The following LPGAT1 variants were observed in gnomAD, a reference collection of about 807,000 sequenced individuals.
The protein encoded by LPGAT1 is lysophosphatidylglycerol acyltransferase 1.
LPGAT1 carries 11 observed loss-of-function variants against 47.5 expected under a neutral mutation model. The observed-to-expected ratio is 0.23, with a 90% CI of 0.15 to 0.38. The LOEUF (loss-of-function observed/expected upper bound fraction) is 0.38. LPGAT1 is among the 10% of genes least tolerant of loss of function. LPGAT1 has a pLI of 1.00. For missense variants in LPGAT1, 293 were observed against 439.0 expected, an observed-to-expected ratio of 0.67 and a Z score of 2.97; for synonymous variants, 138 against 144.2, an observed-to-expected ratio of 0.96 and a Z score of 0.31.
intron 6 of LPGAT1, among the ~76,000 whole-genome samples, chr1:211,776,549 A>G (rs1453296448): frequency 1.3e-5 from 2 of 152,174 alleles, no homozygotes; most frequent in Non-Finnish European, 2.9e-5. Flanking sequence ...TAGCAATAGT[A>G]CTGACTTGCC....
chr1:211,805,199 C>CA (rs925403068), intron 2 of LPGAT1, among the ~76,000 whole-genome samples: 13 of 150,998 alleles, frequency 8.6e-5, no homozygotes, highest in African/African-American at 2.9e-4. Context: ...TTTTTAACCA[C>CA]AAAAAAACAC....
chr1:211,766,256 C>T (rs934892564), intron 6 of LPGAT1, among the ~76,000 whole-genome samples: 2 of 152,170 alleles, frequency 1.3e-5, no homozygotes, highest in Non-Finnish European at 1.5e-5. Context: ...AACGACACCA[C>T]TGGCTTTCCC....
At chr1:211,796,223 C>A (rs894563442) in intron 2 of LPGAT1, among the ~76,000 whole-genome samples, 56 of 152,030 alleles carry the variant, frequency 3.7e-4, no homozygotes, top group African/African-American at 1.1e-3. Context: ...AATTTGGAAC[C>A]CTCTGTACTG....
chr1:211,788,399 C>T (rs12030682), intron 3 of LPGAT1, among the ~76,000 whole-genome samples: 3,632 of 152,044 alleles, frequency 0.024, 80 homozygotes, highest in South Asian at 0.11. Context: ...ATTAAAACTA[C>T]AGGCCAGGCA....
intron 2 of LPGAT1, among the ~76,000 whole-genome samples, chr1:211,825,355 C>T (rs954541134): frequency 1.3e-5 from 2 of 151,744 alleles, no homozygotes; most frequent in African/African-American, 2.4e-5. Flanking sequence ...CTGTACCTGG[C>T]TAAGACTTTA....
intron 2 of LPGAT1, among the ~76,000 whole-genome samples, chr1:211,818,412 G>A (rs1022249918): frequency 2.6e-5 from 4 of 152,012 alleles, no homozygotes; most frequent in African/African-American, 7.2e-5. Context: ...GGCTCAGCAT[G>A]GCCAGATCTC....
At chr1:211,781,913 CT>C (rs1244264679) in intron 5 of LPGAT1, among the ~76,000 whole-genome samples, 11 of 152,124 alleles carry the variant, frequency 7.2e-5, no homozygotes, top group Non-Finnish European at 1.3e-4. Flanking sequence ...AATGATTTGC[CT>C]TTTCCTGGTG....
In LPGAT1 at chr1:211,783,292, A is replaced by G. The variant is rs772285130; in HGVS notation, c.664T>C (p.Leu222=). The G allele has an allele frequency of 4.3e-6, 7 of 1,614,068 alleles. No homozygotes were observed. The highest frequency in any genetic ancestry group is 4.2e-6 in the Non-Finnish European group (5 of 1,180,036). ...LPRSGATKII[L]NALVAQQKNG... is the part of the protein sequence containing the mutation. Reference sequence around the variant, plus strand: ...TTCTGTTGTGCTACAAGTGCATTCAAAATAATTTTTGTTGCCCCAGACCTT... The same window carrying G: ...TTCTGTTGTGCTACAAGTGCATTCAGAATAATTTTTGTTGCCCCAGACCTT... The change falls in exon 5 of 8, where the codon TTG becomes CTG. Residue 222 remains leucine, a synonymous_variant. Coordinates refer to ENST00000366997, the MANE Select transcript of LPGAT1 (RefSeq NM_014873.3).
intron 2 of LPGAT1, among the ~76,000 whole-genome samples, chr1:211,822,506 G>A (rs978242618): frequency 6.6e-6 from 1 of 152,146 alleles, no homozygotes; most frequent in Non-Finnish European, 1.5e-5. Flanking sequence ...GCCAGGCGCA[G>A]TGACTCACAC....
chr1:211,817,734 A>G (rs1660225750), intron 2 of LPGAT1, among the ~76,000 whole-genome samples: 1 of 152,182 alleles, frequency 6.6e-6, no homozygotes, highest in Admixed American at 6.5e-5. Context: ...CCTTGTGACC[A>G]CAGCTTTTGG....
At chr1:211,793,559 A>G (rs531549174) in intron 2 of LPGAT1, among the ~76,000 whole-genome samples, 1 of 152,116 alleles carries the variant, frequency 6.6e-6, no homozygotes, top group South Asian at 2.1e-4. Context: ...CAGCCTCCCA[A>G]GTAGCTGGGA....
At chr1:211,808,072 T>A (rs895089380) in intron 2 of LPGAT1, among the ~76,000 whole-genome samples, 1 of 134,976 alleles carries the variant, frequency 7.4e-6, no homozygotes, top group East Asian at 2.4e-4. Context: ...CCCAAGTATA[T>A]AGAAAACTCA....
At chr1:211,804,013 C>T (rs1659668850) in intron 2 of LPGAT1, among the ~76,000 whole-genome samples, 1 of 152,152 alleles carries the variant, frequency 6.6e-6, no homozygotes, top group Admixed American at 6.5e-5. Flanking sequence ...CCTGCCTCGG[C>T]CTCCCAAAGT....
Position 211,829,073 on chromosome 1 carries a change from T to C in LPGAT1, c.224A>G (p.Tyr75Cys). ...LLGMVASWGW[Y>C]AGYTVMEWGE... ...CTCACTCTTACCTGTATATCCAGCA[T>C]ACCATCCCCAGGAAGCTACCATTCC... Residue 75 changes from tyrosine (Y) to cysteine (C), a missense_variant, in exon 2 of 8, where the codon TAT becomes TGT. Tyr to Cys is a radical substitution (Grantham distance 194). Coordinates refer to ENST00000366997, the MANE Select transcript of LPGAT1 (RefSeq NM_014873.3). 1.2e-6 allele frequency: 2 copies of C among 1,614,220 alleles called. No homozygotes were observed. The highest frequency in any genetic ancestry group is 8.5e-7 in the Non-Finnish European group (1 of 1,180,038).
At position 211,749,345 on chromosome 1, in the gene LPGAT1, G is replaced by A. The variant is rs1342974093; in HGVS notation, c.*554C>T. The A allele has an allele frequency of 6.4e-6, 1 of 156,042 alleles. No individual in the cohort carries two copies. Among genetic ancestry groups the A allele is most frequent in the Non-Finnish European group, 1.4e-5 (1 of 70,888 alleles). The allele number at this position is 156,042 out of a possible 1,614,324, so 9.7% of individuals were successfully genotyped here. Reference sequence around the variant, plus strand: ...ACACTGCTTTTCCCCCACAGAGAATGTCAATATTCTAGAGTTTGTTACTGC... The same window carrying A: ...ACACTGCTTTTCCCCCACAGAGAATATCAATATTCTAGAGTTTGTTACTGC... On this transcript the variant is annotated 3_prime_UTR_variant, in exon 8 of 8. Coordinates refer to ENST00000366997, the MANE Select transcript of LPGAT1 (RefSeq NM_014873.3).
intron 2 of LPGAT1, among the ~76,000 whole-genome samples, chr1:211,827,191 C>A (rs1235836602): frequency 6.6e-6 from 1 of 152,120 alleles, no homozygotes; most frequent in Non-Finnish European, 1.5e-5. Context: ...ACAAACTGAT[C>A]AAATTGTCAA....
chr1:211,779,150 G>T, intron 5 of LPGAT1, 106 bp from the exon 6 acceptor site: 1 of 830,280 alleles, frequency 1.2e-6, no homozygotes, highest in Non-Finnish European at 1.7e-6. Context: ...TATACCTTTT[G>T]CATTAAGAAA....
chr1:211,751,549 T>G (rs910656973), intron 6 of LPGAT1, among the ~76,000 whole-genome samples: 1 of 152,114 alleles, frequency 6.6e-6, no homozygotes, highest in Non-Finnish European at 1.5e-5. Flanking sequence ...TCAGAGATAC[T>G]GCTTTCATGA....
At chr1:211,801,248 G>A (rs1436728679) in intron 2 of LPGAT1, among the ~76,000 whole-genome samples, 2 of 152,106 alleles carry the variant, frequency 1.3e-5, no homozygotes, top group African/African-American at 4.8e-5. Flanking sequence ...ACCAGGAATG[G>A]GGAGTCAATG....
Sources: gnomAD v4.1 joint callset for allele counts (sites outside exome capture counted in the v4.1 genomes callset) on GRCh38, gnomAD v4.1.1 for gene constraint, MANE v1.5 for transcripts, NCBI Gene and HGNC (gene_info 2026-07-23, HGNC 2026-07-21) for gene names.